FAT4: variants seen among roughly 807,000 people sequenced by gnomAD.
FAT4 encodes protocadherin Fat 4.
A neutral mutation model predicts 303.9 loss-of-function variants in FAT4; 84 were observed. The ratio of observed to expected loss-of-function variants is 0.28; its 90% CI spans 0.23 to 0.33. The LOEUF (loss-of-function observed/expected upper bound fraction) is 0.33, where lower values mean the gene tolerates loss of function less well. Among genes scored for constraint, FAT4 ranks in the 10% least tolerant of loss-of-function variants. The probability of loss-of-function intolerance (pLI) is 1.00; values close to 1 mark genes in which losing one functional copy is unlikely to be tolerated. For synonymous variants in FAT4, 2,307 were observed against 2,298.8 expected (o/e 1.00, Z -0.10); for missense variants, 6,005 against 6,146.8 (o/e 0.98, Z 0.77).
chr4:125,370,578 A>T (rs558157970), intron 2 of FAT4, among the ~76,000 whole-genome samples: 8 of 152,208 alleles, frequency 5.3e-5, no homozygotes, highest in Non-Finnish European at 1.2e-4. Context: ...ATTAATATGA[A>T]CAGTCACTAA....
Position 125,320,284 on chromosome 4 carries a change from G to A in FAT4, c.3873G>A (p.Gly1291=), listed in dbSNP as rs764130442. ...YSLVIQAVDS[G]TIPLNSTCTL... is the part of the protein sequence containing the mutation. Reference sequence around the variant, plus strand: ...TTGTAATTCAAGCAGTGGATTCAGGGACAATCCCCCTCAATTCAACGTGTA... The same window carrying A: ...TTGTAATTCAAGCAGTGGATTCAGGAACAATCCCCCTCAATTCAACGTGTA... Residue 1291 remains glycine, a synonymous_variant, in exon 2 of 18, where the codon GGG becomes GGA. Coordinates refer to ENST00000394329, the MANE Select transcript of FAT4 (RefSeq NM_001291303.3). 6.2e-7 allele frequency: 1 copy of A among 1,613,970 alleles called. No individual in the cohort carries two copies. The highest frequency in any genetic ancestry group is 1.3e-5 in the African/African-American group (1 of 74,922).
chr4:125,478,508 T>C (rs1048576270), intron 14 of FAT4, among the ~76,000 whole-genome samples: 1 of 152,126 alleles, frequency 6.6e-6, no homozygotes, highest in Non-Finnish European at 1.5e-5. Context: ...TTAGACCTTA[T>C]GTCCAGAATG....
At chr4:125,384,782 G>A (rs568550269) in intron 2 of FAT4, among the ~76,000 whole-genome samples, 21 of 151,932 alleles carry the variant, frequency 1.4e-4, no homozygotes, top group African/African-American at 4.6e-4. Context: ...GACAGTAAAT[G>A]TGAACACCTG....
intron 9 of FAT4, among the ~76,000 whole-genome samples, chr4:125,447,928 T>G (rs1725883694): frequency 6.6e-6 from 1 of 152,012 alleles, no homozygotes; most frequent in Non-Finnish European, 1.5e-5. Context: ...CATCTGATAA[T>G]AGTTCACGTA....
At chr4:125,405,493 G>A (rs939521748) in intron 3 of FAT4, among the ~76,000 whole-genome samples, 5 of 150,944 alleles carry the variant, frequency 3.3e-5, no homozygotes, top group Non-Finnish European at 7.4e-5. Context: ...GTGACACTGA[G>A]TATTTTTTAT....
chr4:125,488,506 TAGAA>T (rs1727490259), intron 17 of FAT4, among the ~76,000 whole-genome samples: 2 of 152,084 alleles, frequency 1.3e-5, no homozygotes, highest in Admixed American at 1.3e-4. Context: ...GCTGAGGAGT[TAGAA>T]AGAAATGGAT....
intron 3 of FAT4, among the ~76,000 whole-genome samples, chr4:125,399,626 G>A (rs371055382): frequency 6.6e-6 from 1 of 151,824 alleles, no homozygotes; most frequent in Admixed American, 6.6e-5. Context: ...CCTGGCATAT[G>A]AATCAGTGCT....
chr4:125,316,816 C>T lies in FAT4; in HGVS notation c.405C>T (p.Phe135=), dbSNP rs72928772. The T allele has an allele frequency of 0.21, 336,515 of 1,613,560 alleles. 36,566 individuals are homozygous for T. Among genetic ancestry groups the T allele is most frequent in the Non-Finnish European group, 0.23 (268,025 of 1,179,742 alleles). The change falls in exon 2 of 18, where the codon TTC becomes TTT. Residue 135 remains phenylalanine, a synonymous_variant. Coordinates refer to ENST00000394329, the MANE Select transcript of FAT4 (RefSeq NM_001291303.3). The surrounding 1 kb of genome is among the most constrained non-coding windows in gnomAD (Gnocchi z 5.7). The part of the protein sequence containing the change: ...VRDLNDNAPV[F]PDPSIVVTFK... ...ACCTCAATGACAACGCCCCCGTTTTCCCGGACCCCTCTATCGTGGTCACTT... is the reference window on the plus strand; with the variant it reads ...ACCTCAATGACAACGCCCCCGTTTTTCCGGACCCCTCTATCGTGGTCACTT...
chr4:125,356,292 C>G (rs927304536), intron 2 of FAT4, among the ~76,000 whole-genome samples: 3 of 151,984 alleles, frequency 2.0e-5, no homozygotes, highest in African/African-American at 4.8e-5. Context: ...CTAATGACAT[C>G]TTTACATCCC....
In FAT4 at chr4:125,320,551, T is replaced by G; in HGVS notation, c.4140T>G (p.Phe1380Leu). The G allele has an allele frequency of 6.2e-7, 1 of 1,614,020 alleles. No homozygotes were observed. ...TTTTTCTTGCCAAAAAACTGGACTT[T>G]GAAACACAGTCTTTGTATAAATTAA... ...GSIFLAKKLD[F>L]ETQSLYKLNI... Residue 1380 changes from phenylalanine (F) to leucine (L), a missense_variant, in exon 2 of 18, where the codon TTT (phenylalanine) becomes TTG (leucine). Phe to Leu is a conservative substitution (Grantham distance 22, BLOSUM62 0). Transcript: ENST00000394329.
chr4:125,403,920 A>G (rs1423638790), intron 3 of FAT4, among the ~76,000 whole-genome samples: 1 of 152,150 alleles, frequency 6.6e-6, no homozygotes, highest in Non-Finnish European at 1.5e-5. Flanking sequence ...AATTTGTCCC[A>G]TGAATTGATT....
At chr4:125,481,793 G>A in intron 16 of FAT4, 55 bp downstream of exon 16, 3 of 1,456,840 alleles carry the variant, frequency 2.1e-6, no homozygotes, top group Non-Finnish European at 2.9e-6. Context: ...CCGTGTAGTG[G>A]TTTAAATCAC....
chr4:125,457,063 T>G (rs1726305372), intron 10 of FAT4, among the ~76,000 whole-genome samples: 1 of 151,926 alleles, frequency 6.6e-6, no homozygotes, highest in Non-Finnish European at 1.5e-5. Context: ...AGCTGCACAA[T>G]TTTCTGAACT....
chr4:125,439,384 G>A (rs955362258), intron 8 of FAT4, among the ~76,000 whole-genome samples: 14 of 149,920 alleles, frequency 9.3e-5, no homozygotes, highest in South Asian at 6.3e-4. Flanking sequence ...CCAGGCTGGC[G>A]TGCTGCGTCG....
chr4:125,322,532 C>T (rs1427986456), intron 2 of FAT4, among the ~76,000 whole-genome samples: 2 of 152,060 alleles, frequency 1.3e-5, no homozygotes, highest in East Asian at 3.9e-4. Context: ...TTCATTCTTT[C>T]CCTCCCCAGG....
chr4:125,439,499 AT>A (rs58479752), intron 8 of FAT4, among the ~76,000 whole-genome samples: 10,348 of 144,796 alleles, frequency 0.071, 339 homozygotes, highest in Middle Eastern at 0.1. Context: ...TGCCCGGCTA[AT>A]TTTTTTTTTT....
intron 5 of FAT4, among the ~76,000 whole-genome samples, chr4:125,414,662 T>C (rs1734968372): frequency 6.6e-6 from 1 of 152,174 alleles, no homozygotes; most frequent in South Asian, 2.1e-4. Context: ...GAAAAATATC[T>C]GCTCTCTGGA....
intron 11 of FAT4, among the ~76,000 whole-genome samples, chr4:125,467,362 T>C (rs949422240): frequency 6.6e-6 from 1 of 152,214 alleles, no homozygotes; most frequent in Non-Finnish European, 1.5e-5. Context: ...CTAAATTTTA[T>C]GCATTTATGG....
intron 7 of FAT4, among the ~76,000 whole-genome samples, chr4:125,431,393 T>C (rs1302755638): frequency 6.6e-6 from 1 of 152,168 alleles, no homozygotes; most frequent in Non-Finnish European, 1.5e-5. Flanking sequence ...AAGTGAATCA[T>C]TGAGATGAAT....
Sources: gnomAD v4.1 joint callset for allele counts (sites outside exome capture counted in the v4.1 genomes callset) on GRCh38, gnomAD v4.1.1 for gene constraint, Gnocchi (gnomAD v3.1) non-coding constraint, MANE v1.5 for transcripts, NCBI Gene and HGNC (gene_info 2026-07-23, HGNC 2026-07-21) for gene names.